Variants in PPP1R2 observed in about 807,000 individuals in gnomAD.
The protein encoded by PPP1R2 is protein phosphatase 1 regulatory inhibitor subunit 2.
A neutral mutation model predicts 29.9 loss-of-function variants in PPP1R2; 16 were observed. That is an observed-to-expected ratio of 0.53 (90% CI 0.36 to 0.81). The LOEUF is 0.81. Among genes scored for constraint, PPP1R2 ranks in the 30% least tolerant of loss-of-function variants. PPP1R2 has a pLI of 0.00. For synonymous variants in PPP1R2, 76 were observed against 91.5 expected, an observed-to-expected ratio of 0.83 and a Z score of 0.96; for missense variants, 197 against 252.7, an observed-to-expected ratio of 0.78 and a Z score of 1.49.
chr3:195,540,458 C>T (rs1417733774), intron 1 of PPP1R2, among the ~76,000 whole-genome samples: 1 of 152,152 alleles, frequency 6.6e-6, no homozygotes, highest in African/African-American at 2.4e-5. Context: ...AAGAGGATCT[C>T]ATAAAGTTTG....
At chr3:195,518,607 C>T (rs541227640) in intron 5 of PPP1R2, among the ~76,000 whole-genome samples, 10 of 150,524 alleles carry the variant, frequency 6.6e-5, no homozygotes, top group African/African-American at 1.7e-4. Context: ...GCCGAGATCA[C>T]GCCACTGCAC....
rs778486780 is a variant in PPP1R2, at chr3:195,543,081, G to C, written c.-56C>G. The stretch of plus-strand genomic sequence containing the variant: ...CGCTGCTTGGCGTGGGGTCCGCGAA[G>C]AGAAGGGTCGGCACAGCAGAGACTC... On this transcript the variant is annotated 5_prime_UTR_variant, in exon 1 of 6. Transcript: ENST00000618156. 3.7e-5 allele frequency: 57 copies of C among 1,560,164 alleles called. No individual in the cohort carries two copies. Among genetic ancestry groups the C allele is most frequent in the Middle Eastern group, 2.3e-4 (1 of 4,358 alleles).
At chr3:195,525,400 T>C (rs780303770) in intron 2 of PPP1R2, among the ~76,000 whole-genome samples, 6 of 152,144 alleles carry the variant, frequency 3.9e-5, no homozygotes, top group Non-Finnish European at 8.8e-5. Flanking sequence ...TGTCTGAGGA[T>C]TTCGGTATCT....
chr3:195,527,130 C>A (rs1184801692), intron 2 of PPP1R2, among the ~76,000 whole-genome samples: 1 of 151,852 alleles, frequency 6.6e-6, no homozygotes, highest in Non-Finnish European at 1.5e-5. Flanking sequence ...CACTCTGTTG[C>A]CCAGGTTGGT....
rs1354076432 is a variant in PPP1R2 at position 195,543,278 on chromosome 3, G to C, written c.-253C>G. 1 of 379,064 alleles carries C rather than the reference G, an allele frequency of 2.6e-6. No homozygotes were observed. The highest frequency in any genetic ancestry group is 4.6e-5 in the South Asian group (1 of 21,804). 23.5% of individuals were successfully genotyped at this position (379,064 alleles called of 1,614,324 possible). A position where few individuals can be genotyped will look rare whatever the true frequency, so the allele number is the denominator to read the frequency against. ...TGGCACTTGACCCGCGGCTCGCGGA[G>C]AGACGCCGGCCTAGAGCTCCAGCGC... On this transcript the variant is annotated 5_prime_UTR_variant, in exon 1 of 6. Coordinates refer to ENST00000618156, the MANE Select transcript of PPP1R2 (RefSeq NM_006241.8).
In PPP1R2 at chr3:195,530,595, G is replaced by A. The variant is rs111682671; in HGVS notation, c.123-694C>T. Among the ~76,000 whole-genome samples, 108 of 152,178 alleles carry A rather than the reference G, an allele frequency of 7.1e-4. No individual in the cohort carries two copies. The East Asian group carries it at 0.012, about 17-fold the overall frequency. On this transcript the variant is annotated intron_variant, in intron 1 of 5. Coordinates refer to ENST00000618156, the MANE Select transcript of PPP1R2 (RefSeq NM_006241.8). ...GGCTGGAGTACAGTGGCGCCATCTC[G>A]GCTCACTGCAACTTCCACCTTCCCT...
chr3:195,523,513 G>A (rs1256742762), intron 4 of PPP1R2, among the ~76,000 whole-genome samples, 179 bp downstream of exon 4: 1 of 152,160 alleles, frequency 6.6e-6, no homozygotes. Context: ...GAAATCAGGG[G>A]TAAAAAACTA....
intron 2 of PPP1R2, among the ~76,000 whole-genome samples, chr3:195,527,571 T>G (rs1719018980): frequency 6.6e-6 from 1 of 152,170 alleles, no homozygotes; most frequent in Non-Finnish European, 1.5e-5. Flanking sequence ...GCCTCAACTA[T>G]TTTTTTAAAT....
chr3:195,529,587 T>C, intron 2 of PPP1R2: 1 of 423,912 alleles, frequency 2.4e-6, no homozygotes. Flanking sequence ...CTACTACCAT[T>C]ATAATGTACA....
chr3:195,539,529 T>C (rs2108955633), intron 1 of PPP1R2, among the ~76,000 whole-genome samples: 1 of 152,176 alleles, frequency 6.6e-6, no homozygotes, highest in East Asian at 1.9e-4. Context: ...CTGAGCAATA[T>C]ACTAAAACCC....
intron 1 of PPP1R2, among the ~76,000 whole-genome samples, chr3:195,539,730 A>C (rs34580316): frequency 0.048 from 7,297 of 152,220 alleles, 288 homozygotes; most frequent in South Asian, 0.17. Context: ...TATAAACAAT[A>C]AGAAAATAAC....
intron 1 of PPP1R2, among the ~76,000 whole-genome samples, chr3:195,539,309 T>C (rs915559404): frequency 7.9e-5 from 12 of 152,334 alleles, no homozygotes; most frequent in Middle Eastern, 3.4e-3. Flanking sequence ...TGTGGTGCAA[T>C]GTACTGAGAT....
intron 2 of PPP1R2, among the ~76,000 whole-genome samples, chr3:195,525,615 G>C (rs1560436360): frequency 6.6e-6 from 1 of 152,146 alleles, no homozygotes; most frequent in East Asian, 1.9e-4. Flanking sequence ...GCAGACACAA[G>C]ACTGAGTAAA....
rs534071173 is a variant in PPP1R2 at position 195,516,680 on chromosome 3, T to C, written c.*216A>G. 2.9e-4 allele frequency: 148 copies of C among 506,874 alleles called. No individual in the cohort carries two copies. The highest frequency in any genetic ancestry group is 3.6e-4 in the Non-Finnish European group (102 of 283,218). 31.4% of individuals were successfully genotyped at this position (506,874 alleles called of 1,614,324 possible). On this transcript the variant is annotated 3_prime_UTR_variant, in exon 6 of 6. Transcript: ENST00000618156. ...CAGTTTTGGACTGATGATATTACAC[T>C]GTATTTGTGGTAAAGTACTAGGCAC...
At chr3:195,526,561 T>C (rs1447159867) in intron 2 of PPP1R2, among the ~76,000 whole-genome samples, 2 of 152,190 alleles carry the variant, frequency 1.3e-5, no homozygotes, top group South Asian at 2.1e-4. Flanking sequence ...ATATCTACCA[T>C]TCAAATTATA....
At chr3:195,519,294 T>G in intron 4 of PPP1R2, 109 bp from the exon 5 acceptor site, 1 of 816,952 alleles carries the variant, frequency 1.2e-6, no homozygotes, top group Non-Finnish European at 1.9e-6. Flanking sequence ...GTTTTTGTCA[T>G]GCTTAAGGCT....
chr3:195,519,746 A>C (rs1718681534), intron 4 of PPP1R2: 1 of 152,112 alleles, frequency 6.6e-6, no homozygotes. Flanking sequence ...TCATTTTCAG[A>C]GTAATTTTAA....
chr3:195,528,808 T>C (rs2641360), intron 2 of PPP1R2: 50,490 of 143,938 alleles, frequency 0.35, 9,124 homozygotes, highest in Non-Finnish European at 0.39. Flanking sequence ...CCTCTGCCTC[T>C]GTAATCTCAA....
intron 3 of PPP1R2, among the ~76,000 whole-genome samples, chr3:195,524,608 T>G (rs561983705): frequency 6.6e-6 from 1 of 152,128 alleles, no homozygotes; most frequent in East Asian, 1.9e-4. Flanking sequence ...GCCACCTACA[T>G]ACCTTGATTT....
Sources: gnomAD v4.1 joint callset for allele counts (sites outside exome capture counted in the v4.1 genomes callset) on GRCh38, gnomAD v4.1.1 for gene constraint, MANE v1.5 for transcripts, NCBI Gene and HGNC (gene_info 2026-07-23, HGNC 2026-07-21) for gene names.